The following UGT2A1 variants were observed in gnomAD, a reference collection of about 807,000 sequenced individuals.
The protein encoded by UGT2A1 is UDP glucuronosyltransferase family 2 member A1 complex locus.
A neutral mutation model predicts 45.4 loss-of-function variants in UGT2A1; 61 were observed. That is an observed-to-expected ratio of 1.34 (90% CI 1.09 to 1.66). The LOEUF (loss-of-function observed/expected upper bound fraction) is 1.66, where lower values mean the gene tolerates loss of function less well. UGT2A1 is among the 40% of genes most tolerant of loss of function. The pLI is 0.00. For missense variants in UGT2A1, 649 were observed against 574.3 expected (o/e 1.13, Z -1.33); for synonymous variants, 229 against 196.2 (o/e 1.17, Z -1.40).
At chr4:69,637,567 G>A (rs1362178937) in intron 2 of UGT2A1, among the ~76,000 whole-genome samples, 1 of 151,946 alleles carries the variant, frequency 6.6e-6, no homozygotes, top group African/African-American at 2.4e-5. Flanking sequence ...CTTCCCTCAG[G>A]TCTTTGGCCT....
chr4:69,589,325 G>A lies in UGT2A1; in HGVS notation c.*47C>T. 1 of 1,523,830 alleles carries A rather than the reference G, an allele frequency of 6.6e-7. No individual in the cohort carries two copies. The allele number at this position is 1,523,830 out of a possible 1,614,324, so 94.4% of individuals were successfully genotyped here. ...GGAATTAATAGGACTACACTACTCA[G>A]GATTTTGCCAAACTTAAAAATATAT... is the stretch of plus-strand genomic sequence containing the variant. On this transcript the variant is annotated 3_prime_UTR_variant, in exon 7 of 7. Coordinates refer to ENST00000286604, the MANE Select transcript of UGT2A1 (RefSeq NM_001252275.3).
chr4:69,651,042 G>A (rs75239328), intron 1 of UGT2A1, among the ~76,000 whole-genome samples: 33,646 of 151,968 alleles, frequency 0.22, 3,968 homozygotes, highest in Middle Eastern at 0.25. Flanking sequence ...CATAATAGAC[G>A]CATAAATTCA....
At chr4:69,603,266 G>T (rs1483551533) in intron 3 of UGT2A1, among the ~76,000 whole-genome samples, 1 of 134,730 alleles carries the variant, frequency 7.4e-6, no homozygotes, top group African/African-American at 3.0e-5. Flanking sequence ...CAGATATCAA[G>T]AACTAATATA....
intron 3 of UGT2A1, among the ~76,000 whole-genome samples, chr4:69,618,323 T>C (rs2109931291): frequency 6.9e-6 from 1 of 143,890 alleles, no homozygotes; most frequent in South Asian, 2.3e-4. Context: ...GGCATTAAAT[T>C]AAGTCCAACC....
At chr4:69,633,771 G>T (rs1329839851) in intron 3 of UGT2A1, among the ~76,000 whole-genome samples, 1 of 152,134 alleles carries the variant, frequency 6.6e-6, no homozygotes, top group Non-Finnish European at 1.5e-5. Context: ...CAGAAGCCAA[G>T]AAAGTGTTTA....
In UGT2A1 at chr4:69,621,654, T is replaced by C. The variant is rs146185728; in HGVS notation, c.847+14037A>G. Among the ~76,000 whole-genome samples the C allele has an allele frequency of 2.1e-3, 321 of 151,998 alleles. 1 individual carries two copies. The highest frequency in any genetic ancestry group is 3.6e-3 in the Non-Finnish European group (242 of 67,924). On this transcript the variant is annotated intron_variant, in intron 3 of 6. Coordinates refer to ENST00000286604, the MANE Select transcript of UGT2A1 (RefSeq NM_001252275.3). The stretch of plus-strand genomic sequence containing the variant: ...AACCCAGCAATCCCATTCCTGGGTA[T>C]ACACCGAAAGGAATATAAATCATTC...
intron 6 of UGT2A1, among the ~76,000 whole-genome samples, chr4:69,592,464 C>A (rs1432324): frequency 0.39 from 59,282 of 151,636 alleles, 11,834 homozygotes; most frequent in East Asian, 0.56. Context: ...ACAATAATAG[C>A]GGGAGGGTAA....
At chr4:69,590,264 C>T (rs1718510836) in intron 6 of UGT2A1, among the ~76,000 whole-genome samples, 1 of 152,164 alleles carries the variant, frequency 6.6e-6, no homozygotes, top group African/African-American at 2.4e-5. Flanking sequence ...TTTGATGTTT[C>T]AATTGAAACA....
At chr4:69,600,292 T>G (rs1719198362) in intron 3 of UGT2A1, among the ~76,000 whole-genome samples, 1 of 152,164 alleles carries the variant, frequency 6.6e-6, no homozygotes, top group African/African-American at 2.4e-5. Context: ...TGGACATGGT[T>G]TGTGTGCACT....
intron 3 of UGT2A1, among the ~76,000 whole-genome samples, chr4:69,624,534 T>C (rs1355871849): frequency 6.6e-6 from 1 of 151,460 alleles, no homozygotes; most frequent in African/African-American, 2.4e-5. Context: ...CTCTTTTTTG[T>C]TCTTTTTTTC....
intron 3 of UGT2A1, among the ~76,000 whole-genome samples, chr4:69,617,496 A>G (rs1246701268): frequency 2.0e-5 from 3 of 151,956 alleles, no homozygotes; most frequent in African/African-American, 4.8e-5. Flanking sequence ...CAAAACCAAG[A>G]TGAACACACA....
At chr4:69,601,389 C>T (rs550644704) in intron 3 of UGT2A1, among the ~76,000 whole-genome samples, 1 of 152,226 alleles carries the variant, frequency 6.6e-6, no homozygotes, top group Admixed American at 6.5e-5. Flanking sequence ...TTCCCCGCCC[C>T]CCGGAGTACT....
chr4:69,639,413 A>G (rs1347151471), intron 2 of UGT2A1: 1 of 1,613,380 alleles, frequency 6.2e-7, no homozygotes, highest in Non-Finnish European at 8.5e-7. Flanking sequence ...AATTCACAGG[A>G]GAATCGGGAT....
chr4:69,589,434 G>A lies in UGT2A1; in HGVS notation c.1522C>T (p.Gln508Ter). Residue 508 changes from glutamine (Q) to a stop codon, truncating the protein, a stop_gained, in exon 7 of 7, where the codon CAA (glutamine) becomes TAA (stop). Transcript: ENST00000286604. LOFTEE classifies it high-confidence loss of function. Reference sequence around the variant, plus strand: ...TTTTGACAGGAAAACAAACAACATTGTATGACCAAAAATATAGCCGTTGTC... The same window carrying A: ...TTTTGACAGGAAAACAAACAACATTATATGACCAAAAATATAGCCGTTGTC... Reference protein sequence around the residue: ...CVTTAIFLVIQCCLFSCQKFG... With the variant: ...CVTTAIFLVI The A allele has an allele frequency of 6.2e-7, 1 of 1,613,542 alleles. No individual in the cohort carries two copies. Among genetic ancestry groups the A allele is most frequent in the African/African-American group, 1.3e-5 (1 of 74,874 alleles).
intron 3 of UGT2A1, among the ~76,000 whole-genome samples, chr4:69,609,685 CACCTAT>C (rs61115115): frequency 0.4 from 59,931 of 151,398 alleles, 12,141 homozygotes; most frequent in African/African-American, 0.47. Flanking sequence ...CCTATACCCA[CACCTAT>C]ACCTATACCT....
intron 2 of UGT2A1, among the ~76,000 whole-genome samples, chr4:69,638,721 C>A (rs557141301): frequency 7.5e-4 from 114 of 152,116 alleles, no homozygotes; most frequent in Admixed American, 1.7e-3. Context: ...ATTAATACCA[C>A]CATTTCATTG....
chr4:69,626,152 AT>A (rs199638752), intron 3 of UGT2A1, among the ~76,000 whole-genome samples: 9 of 149,624 alleles, frequency 6.0e-5, no homozygotes, highest in South Asian at 2.1e-4. Flanking sequence ...ATACTGGGCT[AT>A]TTTTTTTTAA....
intron 3 of UGT2A1, among the ~76,000 whole-genome samples, chr4:69,630,400 T>C (rs183343641): frequency 5.7e-4 from 87 of 152,200 alleles, no homozygotes; most frequent in African/African-American, 2.0e-3. Flanking sequence ...ATCCTGACTA[T>C]GTTAAAGCTA....
intron 2 of UGT2A1, among the ~76,000 whole-genome samples, chr4:69,637,121 A>C (rs1177689707): frequency 1.3e-5 from 2 of 152,196 alleles, no homozygotes; most frequent in Non-Finnish European, 2.9e-5. Flanking sequence ...AATTAAAAGA[A>C]AAATGTGGTT....
Sources: gnomAD v4.1 joint callset for allele counts (sites outside exome capture counted in the v4.1 genomes callset) on GRCh38, gnomAD v4.1.1 for gene constraint, MANE v1.5 for transcripts, NCBI Gene and HGNC (gene_info 2026-07-23, HGNC 2026-07-21) for gene names.